Variants in ZER1 observed in about 807,000 individuals in gnomAD.
ZER1 encodes zyg-11 related cell cycle regulator.
Under a neutral mutation model 78.8 loss-of-function variants are expected in ZER1, and 11 were observed. The ratio of observed to expected loss-of-function variants is 0.14; its 90% CI spans 0.09 to 0.23. The LOEUF (loss-of-function observed/expected upper bound fraction) is 0.23, where lower values mean the gene tolerates loss of function less well. Among genes scored for constraint, ZER1 ranks in the 10% least tolerant of loss-of-function variants. The pLI is 1.00. For missense variants in ZER1, 588 were observed against 996.9 expected (o/e 0.59, Z 5.52); for synonymous variants, 400 against 407.0 (o/e 0.98, Z 0.21).
Position 128,753,108 on chromosome 9 carries a change from T to G in ZER1, c.746+56A>C. On this transcript the variant is annotated intron_variant, in intron 4 of 15. Transcript: ENST00000291900. The surrounding 1 kb of genome is among the most constrained non-coding windows in gnomAD (Gnocchi z 7.5). ...AGGGCGTGACAACACCCACCTCTACTCCTCCCCACCTGCCCCCCAAACCCC... is the reference window on the plus strand; with the variant it reads ...AGGGCGTGACAACACCCACCTCTACGCCTCCCCACCTGCCCCCCAAACCCC... 6.8e-7 allele frequency: 1 copy of G among 1,464,276 alleles called. No homozygotes were observed. The highest frequency in any genetic ancestry group is 9.1e-7 in the Non-Finnish European group (1 of 1,103,796). The allele number at this position is 1,464,276 out of a possible 1,614,324, so 90.7% of individuals were successfully genotyped here. A position where few individuals can be genotyped will look rare whatever the true frequency, so the allele number is the denominator to read the frequency against.
chr9:128,750,549 G>C, intron 8 of ZER1, 67 bp downstream of exon 8: 1 of 1,571,136 alleles, frequency 6.4e-7, no homozygotes, highest in Non-Finnish European at 8.7e-7. Context: ...AGCCCTAGCG[G>C]GACGCAAGAA....
At chr9:128,770,585 C>T (rs1223292032) in intron 1 of ZER1, among the ~76,000 whole-genome samples, 1 of 152,172 alleles carries the variant, frequency 6.6e-6, no homozygotes, top group Non-Finnish European at 1.5e-5. Flanking sequence ...TGACAACTCC[C>T]AACTCCTTCC....
chr9:128,763,525 G>C (rs1048916988), intron 1 of ZER1, among the ~76,000 whole-genome samples: 1 of 152,212 alleles, frequency 6.6e-6, no homozygotes, highest in East Asian at 1.9e-4. Context: ...CAAGGTCCTT[G>C]ACCACATGGA....
At chr9:128,757,403 T>C (rs1263219229) in intron 1 of ZER1, among the ~76,000 whole-genome samples, 1 of 151,896 alleles carries the variant, frequency 6.6e-6, no homozygotes, top group Non-Finnish European at 1.5e-5. Flanking sequence ...GTGCCTGTAG[T>C]CCCAGCTACT....
At chr9:128,770,968 G>A (rs999231715) in intron 1 of ZER1, among the ~76,000 whole-genome samples, 1 of 152,126 alleles carries the variant, frequency 6.6e-6, no homozygotes, top group African/African-American at 2.4e-5. Flanking sequence ...CCAGGAGTTC[G>A]AGACCAGCTT....
chr9:128,734,531 G>A (rs75963684), intron 14 of ZER1, among the ~76,000 whole-genome samples: 1,911 of 151,130 alleles, frequency 0.013, 49 homozygotes, highest in African/African-American at 0.044. Flanking sequence ...ACAGGGTTGC[G>A]CTGTGTTGCC....
chr9:128,770,477 A>T (rs898717912), intron 1 of ZER1, among the ~76,000 whole-genome samples: 3 of 152,084 alleles, frequency 2.0e-5, no homozygotes, highest in African/African-American at 7.2e-5. Flanking sequence ...TTTGCTGCGG[A>T]ATGCTCTGCC....
At position 128,739,271 on chromosome 9, in the gene ZER1, C is replaced by T. The variant is rs985681454; in HGVS notation, c.2042+660G>A. Among the ~76,000 whole-genome samples the T allele has an allele frequency of 9.9e-5, 15 of 151,434 alleles. 1 individual carries two copies. The highest frequency in any genetic ancestry group is 4.0e-4 in the Admixed American group (6 of 15,174). ...TAATCCCAGCACTTTGGGAGGCCGACGTGGGCGGATCACGAGGTCAGGAGA... is the reference window on the plus strand; with the variant it reads ...TAATCCCAGCACTTTGGGAGGCCGATGTGGGCGGATCACGAGGTCAGGAGA... On this transcript the variant is annotated intron_variant, in intron 13 of 15. Coordinates refer to ENST00000291900, the MANE Select transcript of ZER1 (RefSeq NM_006336.4).
chr9:128,741,935 G>A (rs1863313002), intron 9 of ZER1, 94 bp from the exon 10 acceptor site: 1 of 1,514,600 alleles, frequency 6.6e-7, no homozygotes, highest in Non-Finnish European at 9.2e-7. Context: ...GCAACGCCAT[G>A]GCTAGTTCAG....
intron 8 of ZER1, among the ~76,000 whole-genome samples, chr9:128,743,890 CTGCT>C (rs1453636613): frequency 7.2e-6 from 1 of 138,380 alleles, no homozygotes; most frequent in Non-Finnish European, 1.5e-5. Flanking sequence ...CCAATGGCCC[CTGCT>C]TTTTTTTTTT....
At position 128,751,655 on chromosome 9, in the gene ZER1, T is replaced by G. The variant is rs1863683301; in HGVS notation, c.924-128A>C. 7.0e-6 allele frequency: 5 copies of G among 716,424 alleles called. No homozygotes were observed. Among genetic ancestry groups the G allele is most frequent in the Admixed American group, 2.5e-5 (1 of 39,832 alleles). 44.4% of individuals were successfully genotyped at this position (716,424 alleles called of 1,614,324 possible). On this transcript the variant is annotated intron_variant, in intron 5 of 15. Transcript: ENST00000291900. This position sits in a 1 kb window ranked among gnomAD's most constrained non-coding sequence, Gnocchi z 5.4. ...CTCCAACCTCATCCCCTACTCCTTT[T>G]GTTTTTAATGGTAGGGGACATAAGC...
chr9:128,766,630 G>T (rs1295794308), intron 1 of ZER1, among the ~76,000 whole-genome samples: 1 of 151,840 alleles, frequency 6.6e-6, no homozygotes, highest in Non-Finnish European at 1.5e-5. Context: ...TGGATCACCT[G>T]AGGTCAGGAG....
At chr9:128,737,013 G>A (rs1239114627) in intron 13 of ZER1, among the ~76,000 whole-genome samples, 3 of 151,970 alleles carry the variant, frequency 2.0e-5, no homozygotes, top group Admixed American at 6.6e-5. Flanking sequence ...GCATGGTAAC[G>A]TGCACCTGTA....
chr9:128,734,906 G>T (rs1443874580), intron 14 of ZER1, among the ~76,000 whole-genome samples: 4 of 151,704 alleles, frequency 2.6e-5, no homozygotes, highest in African/African-American at 9.7e-5. Context: ...GGAGATGGGG[G>T]TCTCACTATG....
chr9:128,748,904 C>T (rs1589530051), intron 8 of ZER1, among the ~76,000 whole-genome samples: 2 of 148,918 alleles, frequency 1.3e-5, no homozygotes, highest in African/African-American at 4.9e-5. Flanking sequence ...GATGGGGTTT[C>T]GCCATGTTGG....
intron 15 of ZER1, among the ~76,000 whole-genome samples, chr9:128,731,747 C>T (rs1025935851): frequency 2.0e-5 from 3 of 152,218 alleles, no homozygotes; most frequent in African/African-American, 7.2e-5. Flanking sequence ...TTCATTTTCC[C>T]TGCACACTAG....
chr9:128,741,557 T>C lies in ZER1; in HGVS notation c.1715A>G (p.Lys572Arg). The change falls in exon 11 of 16, where the codon AAG (lysine) becomes AGG (arginine). Residue 572 changes from lysine (K) to arginine (R), a missense_variant. Physicochemically the swap from Lys to Arg is conservative, Grantham distance 26. Coordinates refer to ENST00000291900, the MANE Select transcript of ZER1 (RefSeq NM_006336.4). ...TACCTTCAGGCAGTCCAGGAAGAGC[T>C]TCATGCCGTTGAAATTGAGGAACAT... ...CEMFLNFNGMKLFLDCLKEFP... is the reference protein window; with the variant it reads ...CEMFLNFNGMRLFLDCLKEFP... 6.2e-7 allele frequency: 1 copy of C among 1,614,154 alleles called. No homozygotes were observed. Among genetic ancestry groups the C allele is most frequent in the Non-Finnish European group, 8.5e-7 (1 of 1,180,014 alleles).
In ZER1 at chr9:128,754,611, C is replaced by T. The variant is rs1193945683; in HGVS notation, c.159-652G>A. Among the ~76,000 whole-genome samples the T allele has an allele frequency of 1.3e-5, 2 of 152,158 alleles. No individual in the cohort carries two copies. The highest frequency in any genetic ancestry group is 1.3e-4 in the Admixed American group (2 of 15,260). On this transcript the variant is annotated intron_variant, in intron 2 of 15. Transcript: ENST00000291900. The surrounding 1 kb of genome is among the most constrained non-coding windows in gnomAD (Gnocchi z 4.3). ...AAATGCTCAGGACGTTATTACAGGTCCACCTCTGTCCTCAGGCCCACACAG... is the reference window on the plus strand; with the variant it reads ...AAATGCTCAGGACGTTATTACAGGTTCACCTCTGTCCTCAGGCCCACACAG...
At position 128,755,644 on chromosome 9, in the gene ZER1, T is replaced by C. The variant is rs904963392; in HGVS notation, c.-79A>G. ...TGATTCCTGAATACTCACAGGATCA[T>C]TGGCAGAGCCACTGCCTGGGGAGTG... On this transcript the variant is annotated 5_prime_UTR_variant, in exon 2 of 16. It removes an upstream start codon present in the reference 5' UTR. Transcript: ENST00000291900. The surrounding 1 kb of genome is among the most constrained non-coding windows in gnomAD (Gnocchi z 5.6). The C allele has an allele frequency of 7.1e-6, 11 of 1,552,716 alleles. No homozygotes were observed. The Admixed American group carries it at 7.1e-5, about 10-fold the overall frequency.
Sources: allele counts gnomAD v4.1 joint callset (sites outside exome capture counted in the v4.1 genomes callset), GRCh38; gene constraint gnomAD v4.1.1; non-coding constraint Gnocchi (gnomAD v3.1); transcripts MANE v1.5; gene names NCBI Gene and HGNC (gene_info 2026-07-23, HGNC 2026-07-21).